The following PACSIN2 variants were observed in gnomAD, a reference collection of about 807,000 sequenced individuals.
PACSIN2 encodes protein kinase C and casein kinase substrate in neurons protein 2.
A neutral mutation model predicts 63.8 loss-of-function variants in PACSIN2; 25 were observed. That is an observed-to-expected ratio of 0.39 (90% CI 0.29 to 0.55). The LOEUF (loss-of-function observed/expected upper bound fraction) is 0.55. PACSIN2 is among the 20% of genes least tolerant of loss of function. The pLI, the probability that PACSIN2 is intolerant of heterozygous loss-of-function variation, is 0.62. For missense variants in PACSIN2, 518 were observed against 646.9 expected (o/e 0.80, Z 2.16); for synonymous variants, 255 against 256.2 (o/e 1.00, Z 0.05).
chr22:42,996,645 T>G (rs1310849144), intron 1 of PACSIN2, among the ~76,000 whole-genome samples: 1 of 151,512 alleles, frequency 6.6e-6, no homozygotes, highest in Non-Finnish European at 1.5e-5. Context: ...TGGGCCACAA[T>G]CACACCACTA....
At chr22:42,917,500 A>G (rs1331039878) in intron 1 of PACSIN2, among the ~76,000 whole-genome samples, 1 of 152,108 alleles carries the variant, frequency 6.6e-6, no homozygotes, top group Non-Finnish European at 1.5e-5. Context: ...CTGTGGTCCC[A>G]GCTACTCAGG....
intron 1 of PACSIN2, among the ~76,000 whole-genome samples, chr22:42,940,519 A>G (rs1933107907): frequency 6.6e-6 from 1 of 152,206 alleles, no homozygotes; most frequent in Non-Finnish European, 1.5e-5. Context: ...CCCAGTCTCC[A>G]AGGTCAGCCA....
intron 2 of PACSIN2, among the ~76,000 whole-genome samples, 189 bp from the exon 3 acceptor site, chr22:42,893,802 A>C (rs1054820565): frequency 6.6e-6 from 1 of 152,212 alleles, no homozygotes; most frequent in Non-Finnish European, 1.5e-5. Flanking sequence ...ATTATTAATA[A>C]GATCATACAC....
chr22:43,014,624 C>T (rs1355556756), intron 1 of PACSIN2, among the ~76,000 whole-genome samples: 1 of 151,978 alleles, frequency 6.6e-6, no homozygotes, highest in Admixed American at 6.6e-5. Flanking sequence ...CCCCAGCTCC[C>T]CCTTCTGCAG....
At chr22:43,006,294 A>G (rs1924087382) in intron 1 of PACSIN2, among the ~76,000 whole-genome samples, 1 of 152,190 alleles carries the variant, frequency 6.6e-6, no homozygotes, top group South Asian at 2.1e-4. Flanking sequence ...TCTTTGTTAT[A>G]GCAGCCCCAA....
intron 1 of PACSIN2, among the ~76,000 whole-genome samples, chr22:42,971,781 C>T (rs866301012): frequency 1.3e-5 from 1 of 76,532 alleles, no homozygotes; most frequent in Non-Finnish European, 2.5e-5. Flanking sequence ...CCCGGCCAGC[C>T]GCCCCATCCG....
intron 2 of PACSIN2, among the ~76,000 whole-genome samples, chr22:42,905,103 CAAAAA>C (rs1322062747): frequency 6.6e-6 from 1 of 152,086 alleles, no homozygotes; most frequent in African/African-American, 2.4e-5. Context: ...CAGAAATGCA[CAAAAA>C]AAATTTAAAA....
At chr22:43,004,793 C>CTG (rs1923985833) in intron 1 of PACSIN2, among the ~76,000 whole-genome samples, 1 of 152,226 alleles carries the variant, frequency 6.6e-6, no homozygotes, top group Non-Finnish European at 1.5e-5. Context: ...GGCAGAGGCC[C>CTG]CGTCACAGGC....
In PACSIN2 at chr22:42,963,433, G is replaced by A. The variant is rs545178118; in HGVS notation, c.-77-51276C>T. Among the ~76,000 whole-genome samples, 5 of 152,278 alleles carry A rather than the reference G, an allele frequency of 3.3e-5. No homozygotes were observed. The East Asian group carries it at 7.7e-4, about 23-fold the overall frequency. On this transcript the variant is annotated intron_variant, in intron 1 of 10. Transcript: ENST00000263246. ...CACGCAGGGCAGCACTTCCCAGGGGGATTCTTTCGCCCAGCGGTCAGTGCA... is the reference window on the plus strand; with the variant it reads ...CACGCAGGGCAGCACTTCCCAGGGGAATTCTTTCGCCCAGCGGTCAGTGCA...
At chr22:42,914,389 C>T (rs1055489918) in intron 1 of PACSIN2, among the ~76,000 whole-genome samples, 5 of 152,124 alleles carry the variant, frequency 3.3e-5, no homozygotes, top group South Asian at 2.1e-4. Flanking sequence ...TGTGCCACCA[C>T]GCTCGGCTAA....
chr22:42,918,035 C>T (rs988943152), intron 1 of PACSIN2, among the ~76,000 whole-genome samples: 7 of 152,172 alleles, frequency 4.6e-5, no homozygotes, highest in Admixed American at 2.0e-4. Flanking sequence ...TCCCCACTTG[C>T]CTGGCAGAAT....
chr22:42,951,875 G>C (rs1455295948), intron 1 of PACSIN2, among the ~76,000 whole-genome samples: 5 of 152,128 alleles, frequency 3.3e-5, no homozygotes, highest in African/African-American at 9.7e-5. Context: ...CCTGGACTCT[G>C]GCTACAGTGA....
chr22:43,000,326 T>C (rs1923685277), intron 1 of PACSIN2, among the ~76,000 whole-genome samples: 1 of 152,148 alleles, frequency 6.6e-6, no homozygotes, highest in African/African-American at 2.4e-5. Flanking sequence ...ACTGGTAATT[T>C]GCCAACTCTA....
intron 2 of PACSIN2, among the ~76,000 whole-genome samples, chr22:42,911,113 C>G (rs1005900497): frequency 6.6e-6 from 1 of 151,884 alleles, no homozygotes; most frequent in Non-Finnish European, 1.5e-5. Context: ...ACCATGTTGG[C>G]CAGGCTGGTC....
At chr22:43,010,398 A>ATATTTTTTTTTT in intron 1 of PACSIN2, among the ~76,000 whole-genome samples, 2 of 126,396 alleles carry the variant, frequency 1.6e-5, no homozygotes, top group Admixed American at 8.5e-5. Context: ...ATATATATAT[A>ATATTTTTTTTTT]TTTTTTTTTA....
At chr22:42,902,867 G>A (rs5759020) in intron 2 of PACSIN2, among the ~76,000 whole-genome samples, 1 of 152,198 alleles carries the variant, frequency 6.6e-6, no homozygotes, top group African/African-American at 2.4e-5. Context: ...ACCCACCTCA[G>A]CCTCCCAAAG....
At chr22:42,996,815 G>A (rs999181979) in intron 1 of PACSIN2, among the ~76,000 whole-genome samples, 3 of 152,184 alleles carry the variant, frequency 2.0e-5, no homozygotes, top group Non-Finnish European at 4.4e-5. Flanking sequence ...GCCTCAAGCT[G>A]CATGCTGATC....
At chr22:42,896,024 A>C (rs1400007699) in intron 2 of PACSIN2, among the ~76,000 whole-genome samples, 1 of 151,728 alleles carries the variant, frequency 6.6e-6, no homozygotes, top group Non-Finnish European at 1.5e-5. Context: ...CTCTAGGTCG[A>C]GATGGAATCT....
At chr22:42,918,189 C>T (rs1931937707) in intron 1 of PACSIN2, among the ~76,000 whole-genome samples, 1 of 152,176 alleles carries the variant, frequency 6.6e-6, no homozygotes, top group African/African-American at 2.4e-5. Flanking sequence ...CAGGCCACAC[C>T]CTAGAATAGC....
Sources: allele counts gnomAD v4.1 joint callset (sites outside exome capture counted in the v4.1 genomes callset), GRCh38; gene constraint gnomAD v4.1.1; transcripts MANE v1.5; gene names NCBI Gene and HGNC (gene_info 2026-07-23, HGNC 2026-07-21).